PLXNB1: variants seen among roughly 807,000 people sequenced by gnomAD.
The protein encoded by PLXNB1 is plexin-B1.
PLXNB1 carries 106 observed loss-of-function variants against 209.4 expected under a neutral mutation model. The observed-to-expected ratio is 0.51, with a 90% CI of 0.43 to 0.59. The LOEUF (loss-of-function observed/expected upper bound fraction) is 0.59. Ranked by LOEUF, PLXNB1 falls within the 20% of genes least tolerant of loss-of-function variation. PLXNB1 has a pLI of 0.00. For missense variants in PLXNB1, 2,357 were observed against 2,853.2 expected, an observed-to-expected ratio of 0.83 and a Z score of 3.96; for synonymous variants, 1,167 against 1,183.2, an observed-to-expected ratio of 0.99 and a Z score of 0.28.
chr3:48,416,174 G>C lies in PLXNB1; in HGVS notation c.3481-7C>G, dbSNP rs754255282. 4.4e-6 allele frequency: 7 copies of C among 1,597,374 alleles called. No homozygotes were observed. Among genetic ancestry groups the C allele is most frequent in the Non-Finnish European group, 6.0e-6 (7 of 1,172,418 alleles). On this transcript the variant is annotated splice_region_variant and splice_polypyrimidine_tract_variant and intron_variant, in intron 17 of 37. Coordinates refer to ENST00000296440, the MANE Select transcript of PLXNB1 (RefSeq NM_001130082.3). The surrounding 1 kb of genome is among the most constrained non-coding windows in gnomAD (Gnocchi z 4.1). ...TGGAATGGACCTTCGGATCCTGTGG[G>C]ACAGACAGGGAGAGAGATGAGCATC...
chr3:48,412,983 T>G, intron 24 of PLXNB1, 24 bp from the exon 25 acceptor site: 1 of 1,611,858 alleles, frequency 6.2e-7, no homozygotes, highest in Non-Finnish European at 8.5e-7. Context: ...GAGGCCAGGT[T>G]AAGCACCTGT....
At position 48,413,169 on chromosome 3, in the gene PLXNB1, C is replaced by T. The variant is rs202019994; in HGVS notation, c.4536G>A (p.Arg1512=). 6.2e-7 allele frequency: 1 copy of T among 1,610,132 alleles called. No individual in the cohort carries two copies. Among genetic ancestry groups the T allele is most frequent in the East Asian group, 2.2e-5 (1 of 44,872 alleles). The part of the protein sequence containing the change: ...LGVIIIVLMY[R]RKSKQALRDY... ...CCCTCAGGGCCTGCTTGCTCTTCCT[C>T]CTGCTCAGCCCCAGGGTCAGGAGAG... The change falls in exon 24 of 38, where the codon AGG becomes AGA. Residue 1512 remains arginine (R), a splice_region_variant and synonymous_variant. Transcript: ENST00000296440. The surrounding 1 kb of genome is among the most constrained non-coding windows in gnomAD (Gnocchi z 5.4).
intron 4 of PLXNB1, 144 bp downstream of exon 4, chr3:48,422,621 A>C: frequency 8.2e-7 from 1 of 1,218,812 alleles, no homozygotes; most frequent in South Asian, 1.5e-5. Flanking sequence ...AGTCACAGGT[A>C]AACACCACCC....
At chr3:48,427,790 C>T (rs1176704590) in intron 1 of PLXNB1, among the ~76,000 whole-genome samples, 2 of 152,212 alleles carry the variant, frequency 1.3e-5, no homozygotes, top group African/African-American at 4.8e-5. Flanking sequence ...GGGAGCCTCC[C>T]CTGTCCTCCC....
chr3:48,416,391 C>A lies in PLXNB1; in HGVS notation c.3435G>T (p.Val1145=). ...EEVAGATAVE[V]PGRGRGVSEH... is the part of the protein sequence containing the mutation. ...CTGAGACACCACGTCCTCTTCCCGG[C>A]ACCTCCACCGCTGTGGCGCCGGCCA... Residue 1145 remains valine, a synonymous_variant, in exon 17 of 38, where the codon GTG becomes GTT. Coordinates refer to ENST00000296440, the MANE Select transcript of PLXNB1 (RefSeq NM_001130082.3). This position sits in a 1 kb window ranked among gnomAD's most constrained non-coding sequence, Gnocchi z 4.1. 6.2e-7 allele frequency: 1 copy of A among 1,613,212 alleles called. No individual in the cohort carries two copies. Among genetic ancestry groups the A allele is most frequent in the Non-Finnish European group, 8.5e-7 (1 of 1,179,916 alleles).
rs1441205361 is a variant in PLXNB1 at position 48,413,326 on chromosome 3, C to T, written c.4536-157G>A. 4 of 654,368 alleles carry T rather than the reference C, an allele frequency of 6.1e-6. No individual in the cohort carries two copies. Among genetic ancestry groups the T allele is most frequent in the East Asian group, 2.7e-5 (1 of 36,990 alleles). 40.5% of individuals were successfully genotyped at this position (654,368 alleles called of 1,614,324 possible). A position where few individuals can be genotyped will look rare whatever the true frequency, so the allele number is the denominator to read the frequency against. ...TAGCCCAGTACGATTCAGCCTGTCC[C>T]GTCCCAAGCAAGTCACACACACCCA... On this transcript the variant is annotated intron_variant, in intron 23 of 37. Coordinates refer to ENST00000296440, the MANE Select transcript of PLXNB1 (RefSeq NM_001130082.3). The surrounding 1 kb of genome is among the most constrained non-coding windows in gnomAD (Gnocchi z 5.4).
In PLXNB1 at chr3:48,421,297, G is replaced by A. The variant is rs1350918776; in HGVS notation, c.1741C>T (p.Leu581=). Reference sequence around the variant, plus strand: ...GGGCACATCACACCAGAACCAGTCAGCAGGGCAGGACTCTGATGTTCCCCA... The same window carrying A: ...GGGCACATCACACCAGAACCAGTCAACAGGGCAGGACTCTGATGTTCCCCA... ...HFGEHQSPAL[L]TGSGVMCPSP... is the part of the protein sequence containing the mutation. Residue 581 remains leucine (L), a synonymous_variant, in exon 8 of 38, where the codon CTG becomes TTG. Coordinates refer to ENST00000296440, the MANE Select transcript of PLXNB1 (RefSeq NM_001130082.3). 4 of 1,608,320 alleles carry A rather than the reference G, an allele frequency of 2.5e-6. No individual in the cohort carries two copies. The highest frequency in any genetic ancestry group is 1.7e-4 in the Middle Eastern group (1 of 6,050).
At position 48,413,563 on chromosome 3, in the gene PLXNB1, T is replaced by C; in HGVS notation, c.4535+107A>G. ...CTGCAAAGCGAAAATATTTACTCTC[T>C]GGCCATTTACAGAGAATGTTTCCTG... On this transcript the variant is annotated intron_variant, in intron 23 of 37. Coordinates refer to ENST00000296440, the MANE Select transcript of PLXNB1 (RefSeq NM_001130082.3). The surrounding 1 kb of genome is among the most constrained non-coding windows in gnomAD (Gnocchi z 5.4). 1 of 1,201,252 alleles carries C rather than the reference T, an allele frequency of 8.3e-7. No homozygotes were observed. The highest frequency in any genetic ancestry group is 1.1e-6 in the Non-Finnish European group (1 of 873,216). The allele number at this position is 1,201,252 out of a possible 1,614,324, so 74.4% of individuals were successfully genotyped here. A position where few individuals can be genotyped will look rare whatever the true frequency, so the allele number is the denominator to read the frequency against.
Position 48,415,979 on chromosome 3 carries a change from A to G in PLXNB1, c.3617+52T>C. On this transcript the variant is annotated intron_variant, in intron 18 of 37. Transcript: ENST00000296440. The surrounding 1 kb of genome is among the most constrained non-coding windows in gnomAD (Gnocchi z 5.0). Reference sequence around the variant, plus strand: ...TCTCCCCAGGATCTCAGACCCCTCCATCTTTCCCCTGGAGCAGATGGATTT... The same window carrying G: ...TCTCCCCAGGATCTCAGACCCCTCCGTCTTTCCCCTGGAGCAGATGGATTT... The G allele has an allele frequency of 6.4e-7, 1 of 1,564,716 alleles. No individual in the cohort carries two copies. The highest frequency in any genetic ancestry group is 8.7e-7 in the Non-Finnish European group (1 of 1,151,770).
intron 3 of PLXNB1, 54 bp from the exon 4 acceptor site, chr3:48,423,001 G>C (rs549797115): frequency 4.6e-6 from 7 of 1,518,602 alleles, no homozygotes; most frequent in Admixed American, 3.5e-5. Context: ...CTCCTCGGCC[G>C]CATCGTCCCT....
chr3:48,412,097 G>C (rs1446540903), intron 27 of PLXNB1, 88 bp from the exon 28 acceptor site: 81 of 1,511,168 alleles, frequency 5.4e-5, no homozygotes, highest in Non-Finnish European at 7.4e-5. Flanking sequence ...ACAGGACATG[G>C]GCTTAAGGGG....
Position 48,417,718 on chromosome 3 carries a change from A to G in PLXNB1, c.3374+193T>C, listed in dbSNP as rs944534005. On this transcript the variant is annotated intron_variant, in intron 16 of 37. Coordinates refer to ENST00000296440, the MANE Select transcript of PLXNB1 (RefSeq NM_001130082.3). This position sits in a 1 kb window ranked among gnomAD's most constrained non-coding sequence, Gnocchi z 4.4. Reference sequence around the variant, plus strand: ...CCCAGGAAGGATTCCCCAGCAGCCCAGGCCAGGAACCTACAGGTGTGGTGG... The same window carrying G: ...CCCAGGAAGGATTCCCCAGCAGCCCGGGCCAGGAACCTACAGGTGTGGTGG... 4.6e-5 allele frequency among the ~76,000 whole-genome samples: 7 copies of G among 152,180 alleles called. No individual in the cohort carries two copies. Among genetic ancestry groups the G allele is most frequent in the African/African-American group, 1.7e-4 (7 of 41,440 alleles).
Position 48,424,203 on chromosome 3 carries a change from G to A in PLXNB1, c.409C>T (p.Pro137Ser), listed in dbSNP as rs772921027. Residue 137 changes from proline (P) to serine (S), a missense_variant, in exon 3 of 38, where the codon CCT becomes TCT. Physicochemically the swap from Pro to Ser is moderately conservative, Grantham distance 74 (BLOSUM62 -1). Transcript: ENST00000296440. ...LEQLLLRPER[P>S]GDTQYVAAND... The stretch of plus-strand genomic sequence containing the variant: ...GCAGCCACATATTGTGTGTCCCCAG[G>A]CCGCTCTGGCCGCAGCAGCAGCTGC... The A allele has an allele frequency of 6.3e-7, 1 of 1,596,196 alleles. No individual in the cohort carries two copies. Among genetic ancestry groups the A allele is most frequent in the South Asian group, 1.1e-5 (1 of 89,272 alleles).
intron 37 of PLXNB1, 102 bp from the exon 38 acceptor site, chr3:48,404,692 G>A (rs1575371292): frequency 2.7e-6 from 2 of 733,580 alleles, no homozygotes; most frequent in East Asian, 2.8e-5. Context: ...AGTGGGGTAG[G>A]AGGCCAAGAA....
At position 48,407,023 on chromosome 3, in the gene PLXNB1, G is replaced by C. The variant is rs1172238731; in HGVS notation, c.6152+4C>G. On this transcript the variant is annotated splice_donor_region_variant and intron_variant, in intron 35 of 37. Coordinates refer to ENST00000296440, the MANE Select transcript of PLXNB1 (RefSeq NM_001130082.3). ...CAACCTCTACCCACCGTGCCCTCCA[G>C]TACCTTTCCACCATCCGCTTGTACC... 1.2e-6 allele frequency: 2 copies of C among 1,614,008 alleles called. No homozygotes were observed. Among genetic ancestry groups the C allele is most frequent in the Admixed American group, 3.3e-5 (2 of 60,008 alleles).
chr3:48,426,903 C>T (rs1384124370), intron 1 of PLXNB1, among the ~76,000 whole-genome samples: 2 of 152,134 alleles, frequency 1.3e-5, no homozygotes, highest in African/African-American at 2.4e-5. Context: ...AAAGTTTCTT[C>T]CCATGGGAAG....
In PLXNB1 at chr3:48,419,734, T is replaced by A. The variant is rs749160178; in HGVS notation, c.2552A>T (p.Glu851Val). The A allele has an allele frequency of 1.2e-6, 2 of 1,610,634 alleles. No individual in the cohort carries two copies. Among genetic ancestry groups the A allele is most frequent in the Admixed American group, 1.7e-5 (1 of 59,722 alleles). ...GTCACCCCCCGTCCACTCGTCCGCC[T>A]CGGGCAGCTCGCCGCCTTCTCTCGT... Reference protein sequence around the residue: ...WLTREGGELPEADEWTGGDAP... With the variant: ...WLTREGGELPVADEWTGGDAP... Residue 851 changes from glutamate (E) to valine (V), a missense_variant, in exon 11 of 38, where the codon GAG becomes GTG. Glu to Val is a moderately radical substitution (Grantham distance 121). This residue lies in a region of PLXNB1 where 410 missense variants were observed against 401.0 expected (regional missense o/e 1.02). Coordinates refer to ENST00000296440, the MANE Select transcript of PLXNB1 (RefSeq NM_001130082.3). This position sits in a 1 kb window ranked among gnomAD's most constrained non-coding sequence, Gnocchi z 5.7.
Position 48,403,961 on chromosome 3 carries a change from A to T in PLXNB1, c.*525T>A, listed in dbSNP as rs1055304062. 6.5e-6 allele frequency: 1 copy of T among 154,714 alleles called. No individual in the cohort carries two copies. Among genetic ancestry groups the T allele is most frequent in the Non-Finnish European group, 1.4e-5 (1 of 69,292 alleles). The allele number at this position is 154,714 out of a possible 1,614,324, so 9.6% of individuals were successfully genotyped here. A position where few individuals can be genotyped will look rare whatever the true frequency, so the allele number is the denominator to read the frequency against. ...ACCATGGCTACCTATGAGGCAGGGC[A>T]GCCCTGTGGCAGCCAGCCCTGCTGA... is the stretch of plus-strand genomic sequence containing the variant. On this transcript the variant is annotated 3_prime_UTR_variant, in exon 38 of 38. Coordinates refer to ENST00000296440, the MANE Select transcript of PLXNB1 (RefSeq NM_001130082.3).
Position 48,411,824 on chromosome 3 carries a change from C to T in PLXNB1, c.5247+39G>A, listed in dbSNP as rs199576809. On this transcript the variant is annotated intron_variant, in intron 28 of 37. Transcript: ENST00000296440. This position sits in a 1 kb window ranked among gnomAD's most constrained non-coding sequence, Gnocchi z 4.0. ...ACACACTCTCCACCCTCGCCCTCAC[C>T]GCACTCAGACTGCAGGCCACACACT... is the stretch of plus-strand genomic sequence containing the variant. 1.9e-5 allele frequency: 31 copies of T among 1,606,372 alleles called. 1 individual carries two copies. Among genetic ancestry groups the T allele is most frequent in the African/African-American group, 1.5e-4 (11 of 74,932 alleles).
Sources: allele counts gnomAD v4.1 joint callset (sites outside exome capture counted in the v4.1 genomes callset), GRCh38; gene constraint gnomAD v4.1.1; regional missense constraint gnomAD v4.1.1; non-coding constraint Gnocchi (gnomAD v3.1); transcripts MANE v1.5; gene names NCBI Gene and HGNC (gene_info 2026-07-23, HGNC 2026-07-21).